Variants in ABHD6 observed in about 807,000 individuals in gnomAD.
ABHD6 encodes monoacylglycerol lipase ABHD6.
In ABHD6, 33 loss-of-function variants were observed where a neutral mutation model predicts 38.8. The ratio of observed to expected loss-of-function variants is 0.85; its 90% CI spans 0.64 to 1.14. The LOEUF (loss-of-function observed/expected upper bound fraction) is 1.14, where lower values mean the gene tolerates loss of function less well. ABHD6 is among the 50% of genes most tolerant of loss of function. The pLI, the probability that ABHD6 is intolerant of heterozygous loss-of-function variation, is 0.00. For synonymous variants in ABHD6, 147 were observed against 161.6 expected (o/e 0.91, Z 0.69); for missense variants, 380 against 422.6 (o/e 0.90, Z 0.88).
chr3:58,280,137 C>T lies in ABHD6; in HGVS notation c.682-4948C>T, dbSNP rs565370781. Among the ~76,000 whole-genome samples the T allele has an allele frequency of 6.6e-5, 10 of 152,170 alleles. No homozygotes were observed. The South Asian group carries it at 1.7e-3, about 25-fold the overall frequency. ...TTTCCTGAATTTGAATGTTGGCCTG[C>T]CTTGCTAGGTTGGGGAAGTTCTCCT... On this transcript the variant is annotated intron_variant, in intron 7 of 9. Coordinates refer to ENST00000478253, the MANE Select transcript of ABHD6 (RefSeq NM_001320126.2).
intron 1 of ABHD6, among the ~76,000 whole-genome samples, chr3:58,248,424 A>G (rs1336551719): frequency 6.6e-6 from 1 of 152,222 alleles, no homozygotes; most frequent in Non-Finnish European, 1.5e-5. Flanking sequence ...ATAGCCAGGC[A>G]TGGTGGCTCA....
chr3:58,270,907 G>C (rs773671045), intron 5 of ABHD6, 25 bp from the exon 6 acceptor site: 1 of 1,586,296 alleles, frequency 6.3e-7, no homozygotes, highest in Non-Finnish European at 8.6e-7. Context: ...GTATAACCAA[G>C]CTGCTTTCTC....
Position 58,250,378 on chromosome 3 carries a change from C to G in ABHD6, c.-26+436C>G, listed in dbSNP as rs1209829838. On this transcript the variant is annotated intron_variant, in intron 2 of 9. Coordinates refer to ENST00000478253, the MANE Select transcript of ABHD6 (RefSeq NM_001320126.2). ...GCTCGCGAGCTGGTTATTTGGAGTG[C>G]AGGCAAAGACGTGGGAGTCAGGACT... Among the ~76,000 whole-genome samples, 3 of 152,240 alleles carry G rather than the reference C, an allele frequency of 2.0e-5. 1 individual carries two copies. In the South Asian group the frequency reaches 6.2e-4, roughly 32 times the overall value.
At chr3:58,253,926 C>G (rs533750099) in intron 2 of ABHD6, among the ~76,000 whole-genome samples, 1 of 152,318 alleles carries the variant, frequency 6.6e-6, no homozygotes, top group East Asian at 1.9e-4. Flanking sequence ...TCTAACCCAC[C>G]TATGGGTGCA....
Position 58,267,166 on chromosome 3 carries a change from T to C in ABHD6, c.120-23T>C. ...TCTAGAGCTTACTGATTTCGTTTTGTCTTTATTTCTCACCCCTTCCAGGTA... is the reference window on the plus strand; with the variant it reads ...TCTAGAGCTTACTGATTTCGTTTTGCCTTTATTTCTCACCCCTTCCAGGTA... On this transcript the variant is annotated intron_variant, in intron 3 of 9. Coordinates refer to ENST00000478253, the MANE Select transcript of ABHD6 (RefSeq NM_001320126.2). This position sits in a 1 kb window ranked among gnomAD's most constrained non-coding sequence, Gnocchi z 4.3. The C allele has an allele frequency of 6.2e-7, 1 of 1,612,226 alleles. No individual in the cohort carries two copies.
At chr3:58,290,824 G>C (rs79477696) in intron 9 of ABHD6, among the ~76,000 whole-genome samples, 1 of 150,448 alleles carries the variant, frequency 6.6e-6, no homozygotes, top group African/African-American at 2.4e-5. Flanking sequence ...ATGGGATGGC[G>C]GCCGGGAAGA....
intron 1 of ABHD6, among the ~76,000 whole-genome samples, chr3:58,239,661 G>A (rs1575509175): frequency 6.6e-6 from 1 of 152,108 alleles, no homozygotes; most frequent in African/African-American, 2.4e-5. Context: ...GATTCTGTGA[G>A]CATCTGCAAA....
chr3:58,288,371 C>T (rs1467999457), intron 9 of ABHD6, among the ~76,000 whole-genome samples: 1 of 152,206 alleles, frequency 6.6e-6, no homozygotes, highest in African/African-American at 2.4e-5. Context: ...TGTATACAAC[C>T]TGTACACCCA....
intron 1 of ABHD6, among the ~76,000 whole-genome samples, chr3:58,244,306 G>A (rs920055756): frequency 1.3e-5 from 2 of 152,130 alleles, no homozygotes; most frequent in Admixed American, 1.3e-4. Context: ...CTCCTTTAGG[G>A]GAGAGACTTG....
At position 58,266,859 on chromosome 3, in the gene ABHD6, T is replaced by G. The variant is rs1438732446; in HGVS notation, c.120-330T>G. On this transcript the variant is annotated intron_variant, in intron 3 of 9. Coordinates refer to ENST00000478253, the MANE Select transcript of ABHD6 (RefSeq NM_001320126.2). The surrounding 1 kb of genome is among the most constrained non-coding windows in gnomAD (Gnocchi z 4.0). ...GTGCAGATGGTTCTCAAGAAATAAGTTATCACTCTCAAAGTCTCTAGAAAG... is the reference window on the plus strand; with the variant it reads ...GTGCAGATGGTTCTCAAGAAATAAGGTATCACTCTCAAAGTCTCTAGAAAG... Among the ~76,000 whole-genome samples the G allele has an allele frequency of 2.0e-5, 3 of 152,212 alleles. No homozygotes were observed. The highest frequency in any genetic ancestry group is 7.2e-5 in the African/African-American group (3 of 41,452).
rs993252667 is a variant in ABHD6, at chr3:58,273,333, G to A, written c.524-1325G>A. Among the ~76,000 whole-genome samples, 1 of 152,058 alleles carries A rather than the reference G, an allele frequency of 6.6e-6. No individual in the cohort carries two copies. Among genetic ancestry groups the A allele is most frequent in the African/African-American group, 2.4e-5 (1 of 41,412 alleles). ...CCAACACTTTGGGAGGCTAAGAGAG[G>A]AGGATTGCTTGAGGCCAGGAGTTCA... is the stretch of plus-strand genomic sequence containing the variant. On this transcript the variant is annotated intron_variant, in intron 6 of 9. Transcript: ENST00000478253. This position sits in a 1 kb window ranked among gnomAD's most constrained non-coding sequence, Gnocchi z 4.8.
At chr3:58,243,818 G>A (rs1449673900) in intron 1 of ABHD6, among the ~76,000 whole-genome samples, 3 of 151,924 alleles carry the variant, frequency 2.0e-5, no homozygotes, top group Non-Finnish European at 4.4e-5. Context: ...GTGCCACCAC[G>A]CCTGCCTAAT....
In ABHD6 at chr3:58,285,818, T is replaced by G. The variant is rs2097456453; in HGVS notation, c.837+365T>G. Among the ~76,000 whole-genome samples, 1 of 152,182 alleles carries G rather than the reference T, an allele frequency of 6.6e-6. No individual in the cohort carries two copies. Among genetic ancestry groups the G allele is most frequent in the South Asian group, 2.1e-4 (1 of 4,826 alleles). Reference sequence around the variant, plus strand: ...CCATTACCATGAGGCAACTCTTATCTTACTATCTTGAATATATTTCTTTTC... The same window carrying G: ...CCATTACCATGAGGCAACTCTTATCGTACTATCTTGAATATATTTCTTTTC... On this transcript the variant is annotated intron_variant, in intron 9 of 9. Coordinates refer to ENST00000478253, the MANE Select transcript of ABHD6 (RefSeq NM_001320126.2). This position sits in a 1 kb window ranked among gnomAD's most constrained non-coding sequence, Gnocchi z 4.9.
In ABHD6 at chr3:58,267,420, T is replaced by C. The variant is rs2097441881; in HGVS notation, c.276+75T>C. The C allele has an allele frequency of 6.4e-7, 1 of 1,564,116 alleles. No individual in the cohort carries two copies. The highest frequency in any genetic ancestry group is 1.4e-5 in the African/African-American group (1 of 73,746). On this transcript the variant is annotated intron_variant, in intron 4 of 9. Transcript: ENST00000478253. This position sits in a 1 kb window ranked among gnomAD's most constrained non-coding sequence, Gnocchi z 4.3. ...TGGCTCATGCCTATAATCCCAGCACTTTGGGAGCCTGAGGCAGGAGGATTG... is the reference window on the plus strand; with the variant it reads ...TGGCTCATGCCTATAATCCCAGCACCTTGGGAGCCTGAGGCAGGAGGATTG...
chr3:58,265,675 A>G lies in ABHD6; in HGVS notation c.120-1514A>G, dbSNP rs9809927. On this transcript the variant is annotated intron_variant, in intron 3 of 9. Coordinates refer to ENST00000478253, the MANE Select transcript of ABHD6 (RefSeq NM_001320126.2). The surrounding 1 kb of genome is among the most constrained non-coding windows in gnomAD (Gnocchi z 4.2). ...GCTACAGCAGAATGCCACAGACTAG[A>G]TAATTTATAAAGAAAAGAAATTTGT... is the stretch of plus-strand genomic sequence containing the variant. Among the ~76,000 whole-genome samples, 23,402 of 152,198 alleles carry G rather than the reference A, an allele frequency of 0.15. 2,775 individuals are homozygous for G. Among genetic ancestry groups the G allele is most frequent in the African/African-American group, 0.33 (13,761 of 41,482 alleles).
chr3:58,271,766 G>GTTTTTTTTTTTTTTTTTTTT lies in ABHD6; in HGVS notation c.523+707_523+726dup, dbSNP rs3038091. The stretch of plus-strand genomic sequence containing the variant: ...CTCTCCTCTATCTCCCCCTCTCTCT[G>GTTTTTTTTTTTTTTTTTTTT]TTTTTTTTTTTTTTTTTTTTTTTTG... On this transcript the variant is annotated intron_variant, in intron 6 of 9. Transcript: ENST00000478253. Among the ~76,000 whole-genome samples the GTTTTTTTTTTTTTTTTTTTT allele has an allele frequency of 2.5e-4, 16 of 63,632 alleles. 3 individuals are homozygous for GTTTTTTTTTTTTTTTTTTTT. Among genetic ancestry groups the GTTTTTTTTTTTTTTTTTTTT allele is most frequent in the African/African-American group, 1.1e-3 (15 of 14,014 alleles). 41.7% of individuals were successfully genotyped at this position (63,632 alleles called of 152,430 possible). A position where few individuals can be genotyped will look rare whatever the true frequency, so the allele number is the denominator to read the frequency against.
chr3:58,262,428 T>A (rs564788587), intron 3 of ABHD6, among the ~76,000 whole-genome samples: 2 of 152,330 alleles, frequency 1.3e-5, no homozygotes, highest in African/African-American at 4.8e-5. Flanking sequence ...CAGGAGACTT[T>A]ATTAAAGAGG....
intron 2 of ABHD6, among the ~76,000 whole-genome samples, chr3:58,255,997 T>C (rs1289086444): frequency 2.0e-5 from 3 of 152,000 alleles, no homozygotes; most frequent in Non-Finnish European, 4.4e-5. Flanking sequence ...AAGGATAATA[T>C]CATGTAACCT....
chr3:58,242,767 A>C (rs1045313118), intron 1 of ABHD6, among the ~76,000 whole-genome samples: 11 of 152,210 alleles, frequency 7.2e-5, no homozygotes, highest in Non-Finnish European at 1.6e-4. Flanking sequence ...ACATGTGCAC[A>C]ACGTGCAGGT....
Sources: allele counts gnomAD v4.1 joint callset (sites outside exome capture counted in the v4.1 genomes callset), GRCh38; gene constraint gnomAD v4.1.1; non-coding constraint Gnocchi (gnomAD v3.1); transcripts MANE v1.5; gene names NCBI Gene and HGNC (gene_info 2026-07-23, HGNC 2026-07-21).